Variants in SLC35F1 observed in about 807,000 individuals in gnomAD.
SLC35F1 encodes chromosome 6 open reading frame 169.
SLC35F1 carries 14 observed loss-of-function variants against 48.7 expected under a neutral mutation model. That is an observed-to-expected ratio of 0.29 (90% CI 0.19 to 0.45). The LOEUF (loss-of-function observed/expected upper bound fraction) is 0.45. SLC35F1 is among the 20% of genes least tolerant of loss of function. The probability of loss-of-function intolerance (pLI) is 1.00; values close to 1 mark genes in which losing one functional copy is unlikely to be tolerated. For missense variants in SLC35F1, 404 were observed against 500.0 expected (o/e 0.81, Z 1.83); for synonymous variants, 190 against 202.2 (o/e 0.94, Z 0.51).
chr6:117,915,203 T>C (rs560615759), intron 1 of SLC35F1, among the ~76,000 whole-genome samples: 20 of 152,382 alleles, frequency 1.3e-4, no homozygotes, highest in East Asian at 7.7e-4. Flanking sequence ...CGAGAGTGTT[T>C]GAGATGTTTG....
intron 2 of SLC35F1, among the ~76,000 whole-genome samples, chr6:118,190,206 TAG>T (rs1211043662): frequency 6.6e-6 from 1 of 152,208 alleles, no homozygotes; most frequent in African/African-American, 2.4e-5. Flanking sequence ...TGGGAAACAG[TAG>T]AACAGTGAGT....
Position 118,199,535 on chromosome 6 carries a change from T to G in SLC35F1, c.350-35974T>G, listed in dbSNP as rs532545096. Among the ~76,000 whole-genome samples the G allele has an allele frequency of 2.6e-5, 4 of 152,358 alleles. No individual in the cohort carries two copies. In the South Asian group the frequency reaches 8.3e-4, roughly 32 times the overall value. On this transcript the variant is annotated intron_variant, in intron 2 of 7. Transcript: ENST00000360388. Reference sequence around the variant, plus strand: ...CATATAGGTTTAAGTGAACATATGTTAAAGTTTTCTTTATCTCATTAATTA... The same window carrying G: ...CATATAGGTTTAAGTGAACATATGTGAAAGTTTTCTTTATCTCATTAATTA...
chr6:118,162,961 CTT>C (rs574750899), intron 2 of SLC35F1, among the ~76,000 whole-genome samples: 17 of 143,332 alleles, frequency 1.2e-4, no homozygotes, highest in African/African-American at 7.7e-5. Flanking sequence ...TCTTTTCTTT[CTT>C]TTTTTTTTTT....
At chr6:117,984,865 A>C (rs984328378) in intron 1 of SLC35F1, among the ~76,000 whole-genome samples, 6 of 152,230 alleles carry the variant, frequency 3.9e-5, no homozygotes, top group African/African-American at 1.2e-4. Context: ...GAGCTGGGAG[A>C]GTAACTCACA....
chr6:117,952,928 A>G (rs1776382567), intron 1 of SLC35F1, among the ~76,000 whole-genome samples: 1 of 152,220 alleles, frequency 6.6e-6, no homozygotes, highest in Non-Finnish European at 1.5e-5. Context: ...TATTTCAAAC[A>G]AAATATTACT....
At chr6:118,275,875 G>A (rs1418643780) in intron 5 of SLC35F1, among the ~76,000 whole-genome samples, 1 of 152,134 alleles carries the variant, frequency 6.6e-6, no homozygotes, top group Admixed American at 6.5e-5. Flanking sequence ...AGAAGCATTA[G>A]GATTGATTCT....
intron 2 of SLC35F1, among the ~76,000 whole-genome samples, chr6:118,185,653 G>A (rs780162561): frequency 2.6e-5 from 4 of 152,014 alleles, no homozygotes; most frequent in East Asian, 1.9e-4. Context: ...GTGAATCTTC[G>A]TGACTTCCTG....
intron 1 of SLC35F1, among the ~76,000 whole-genome samples, chr6:117,999,652 A>T (rs1478039942): frequency 1.3e-5 from 2 of 152,210 alleles, no homozygotes; most frequent in Non-Finnish European, 2.9e-5. Flanking sequence ...AAATTAATGA[A>T]TCCAGGAGCT....
intron 4 of SLC35F1, among the ~76,000 whole-genome samples, chr6:118,274,517 C>G (rs536894544): frequency 6.6e-6 from 1 of 152,086 alleles, no homozygotes; most frequent in African/African-American, 2.4e-5. Context: ...TCTGCCTCAG[C>G]CTCCCAAGTA....
chr6:117,968,284 A>G (rs1036545219), intron 1 of SLC35F1, among the ~76,000 whole-genome samples: 3 of 152,216 alleles, frequency 2.0e-5, no homozygotes, highest in Non-Finnish European at 4.4e-5. Flanking sequence ...CTCACTGAGA[A>G]CAGCTTTCCA....
intron 2 of SLC35F1, among the ~76,000 whole-genome samples, chr6:118,170,295 T>C (rs1328425191): frequency 6.6e-6 from 1 of 152,218 alleles, no homozygotes; most frequent in African/African-American, 2.4e-5. Context: ...GGACTGCTTC[T>C]AAGGCACATG....
chr6:118,112,492 C>A (rs1173425683), intron 1 of SLC35F1, among the ~76,000 whole-genome samples: 1 of 152,102 alleles, frequency 6.6e-6, no homozygotes, highest in Non-Finnish European at 1.5e-5. Flanking sequence ...TCTTTCTCCA[C>A]TTTACTTTCT....
intron 1 of SLC35F1, among the ~76,000 whole-genome samples, chr6:118,002,147 C>G (rs894149537): frequency 1.3e-5 from 2 of 150,644 alleles, no homozygotes; most frequent in Non-Finnish European, 3.0e-5. Flanking sequence ...AAGACACATG[C>G]ACACGTATGT....
chr6:118,115,394 A>G (rs1356028152), intron 1 of SLC35F1, among the ~76,000 whole-genome samples: 1 of 152,238 alleles, frequency 6.6e-6, no homozygotes, highest in Non-Finnish European at 1.5e-5. Flanking sequence ...GAGGTGATGG[A>G]GGAATCAAGG....
At chr6:118,080,385 G>C (rs1772888282) in intron 1 of SLC35F1, among the ~76,000 whole-genome samples, 1 of 152,188 alleles carries the variant, frequency 6.6e-6, no homozygotes, top group African/African-American at 2.4e-5. Context: ...TCTGGAGAGA[G>C]ATTTTCAGTG....
At chr6:118,270,688 G>A (rs1473878698) in intron 4 of SLC35F1, among the ~76,000 whole-genome samples, 2 of 152,138 alleles carry the variant, frequency 1.3e-5, no homozygotes, top group East Asian at 3.9e-4. Context: ...AGCAGTATAG[G>A]CCTCCTCCAA....
At chr6:118,240,535 A>G (rs967234782) in intron 3 of SLC35F1, among the ~76,000 whole-genome samples, 1 of 152,254 alleles carries the variant, frequency 6.6e-6, no homozygotes, top group African/African-American at 2.4e-5. Flanking sequence ...GCAAAAATAA[A>G]TACTGTACAT....
At chr6:117,990,202 G>C (rs1394263595) in intron 1 of SLC35F1, among the ~76,000 whole-genome samples, 1 of 152,122 alleles carries the variant, frequency 6.6e-6, no homozygotes, top group South Asian at 2.1e-4. Flanking sequence ...GTGTACTTCT[G>C]AATTTTACTG....
At position 118,279,936 on chromosome 6, in the gene SLC35F1, G is replaced by GGTT. The variant is rs546322459; in HGVS notation, c.847+2403_847+2405dup. On this transcript the variant is annotated intron_variant, in intron 6 of 7. Coordinates refer to ENST00000360388, the MANE Select transcript of SLC35F1 (RefSeq NM_001029858.4). ...TGCCATTTTATCAAAGTGGAAAGAT[G>GGTT]GTTGTTGTTGTTGTTTTCCTTGGGG... Among the ~76,000 whole-genome samples the GGTT allele has an allele frequency of 1.1e-4, 17 of 152,250 alleles. No individual in the cohort carries two copies. In the South Asian group the frequency reaches 3.1e-3, roughly 28 times the overall value.
Sources: gnomAD v4.1 joint callset for allele counts (sites outside exome capture counted in the v4.1 genomes callset) on GRCh38, gnomAD v4.1.1 for gene constraint, MANE v1.5 for transcripts, NCBI Gene and HGNC (gene_info 2026-07-23, HGNC 2026-07-21) for gene names.